Variants in ZNF385D observed in about 807,000 individuals in gnomAD.
The protein encoded by ZNF385D is zinc finger protein 385D, also known as zinc finger protein 659.
A neutral mutation model predicts 35.8 loss-of-function variants in ZNF385D; 15 were observed. That is an observed-to-expected ratio of 0.42 (90% CI 0.28 to 0.64). ZNF385D has a LOEUF of 0.64. Ranked by LOEUF, ZNF385D falls within the 30% of genes least tolerant of loss-of-function variation. ZNF385D has a pLI of 0.23. For synonymous variants in ZNF385D, 212 were observed against 186.8 expected, an observed-to-expected ratio of 1.13 and a Z score of -1.10; for missense variants, 474 against 494.6, an observed-to-expected ratio of 0.96 and a Z score of 0.39.
chr3:21,790,618 G>A (rs940126417), intron 3 of ZNF385D, among the ~76,000 whole-genome samples: 1 of 152,064 alleles, frequency 6.6e-6, no homozygotes, highest in Admixed American at 6.5e-5. Flanking sequence ...GAAGGGGAGG[G>A]TGAGCATCTG....
rs1249176491 is a variant in ZNF385D at position 22,244,614 on chromosome 3, GTT to G, written c.107-75581_107-75580del. Among the ~76,000 whole-genome samples, 6 of 150,836 alleles carry G rather than the reference GTT, an allele frequency of 4.0e-5. 1 individual carries two copies. The highest frequency in any genetic ancestry group is 1.5e-4 in the African/African-American group (6 of 40,786). On this transcript the variant is annotated intron_variant, in intron 2 of 5. Transcript: ENST00000494108. Reference sequence around the variant, plus strand: ...GTACATCAGCTCTCAAAGTAAAATTGTTAAGTTTGAAATAGTATGGGTTTCAA... The same window carrying G: ...GTACATCAGCTCTCAAAGTAAAATTGAAGTTTGAAATAGTATGGGTTTCAA...
intron 3 of ZNF385D, among the ~76,000 whole-genome samples, chr3:22,014,942 A>G (rs259433): frequency 0.82 from 124,315 of 152,172 alleles, 51,938 homozygotes; most frequent in African/African-American, 0.95. Context: ...AGCTCTTACA[A>G]ATATTTGAGG....
In ZNF385D at chr3:22,100,293, G is replaced by C. The variant is rs1576319556; in HGVS notation, c.325+68524C>G. On this transcript the variant is annotated intron_variant, in intron 3 of 5. Transcript: ENST00000494108. ...AGTGTGGCGATTCCTCAGGGATCTAGAACTAGAAATACCATTTGACCCAGC... is the reference window on the plus strand; with the variant it reads ...AGTGTGGCGATTCCTCAGGGATCTACAACTAGAAATACCATTTGACCCAGC... Among the ~76,000 whole-genome samples the C allele has an allele frequency of 2.8e-5, 4 of 143,698 alleles. No homozygotes were observed. The South Asian group carries it at 9.5e-4, about 34-fold the overall frequency. The allele number at this position is 143,698 out of a possible 152,430, so 94.3% of individuals were successfully genotyped here.
chr3:22,261,471 T>A (rs1486826078), intron 2 of ZNF385D, among the ~76,000 whole-genome samples: 3 of 151,960 alleles, frequency 2.0e-5, no homozygotes, highest in South Asian at 2.1e-4. Context: ...TGAGCAAAGA[T>A]GTTCTAGGAG....
rs866051932 is a variant in ZNF385D, at chr3:21,523,108, C to T, written c.277-12085G>A. 7.9e-5 allele frequency among the ~76,000 whole-genome samples: 12 copies of T among 152,168 alleles called. No individual in the cohort carries two copies. The South Asian group carries it at 1.2e-3, about 16-fold the overall frequency. Reference sequence around the variant, plus strand: ...ACACTCCAATGTGTCAGGTAGTGAGCTGAAGGCTTGATATGAATATTTCAT... The same window carrying T: ...ACACTCCAATGTGTCAGGTAGTGAGTTGAAGGCTTGATATGAATATTTCAT... On this transcript the variant is annotated intron_variant, in intron 3 of 7. Coordinates refer to ENST00000281523, the MANE Select transcript of ZNF385D (RefSeq NM_024697.3).
chr3:22,031,477 C>A (rs1697998108), intron 3 of ZNF385D, among the ~76,000 whole-genome samples: 1 of 152,342 alleles, frequency 6.6e-6, no homozygotes, highest in African/African-American at 2.4e-5. Flanking sequence ...GGGTCTTGCA[C>A]CCTTTGAAGC....
In ZNF385D at chr3:21,806,399, G is replaced by T. The variant is rs146259269; in HGVS notation, c.326-141371C>A. 3.3e-5 allele frequency among the ~76,000 whole-genome samples: 5 copies of T among 151,852 alleles called. No individual in the cohort carries two copies. The East Asian group carries it at 9.7e-4, about 29-fold the overall frequency. The stretch of plus-strand genomic sequence containing the variant: ...TGTTGTTATTTTTAGTAGAGACGGG[G>T]TTTCACCGTGTGAGCCAGGATGGTC... On this transcript the variant is annotated intron_variant, in intron 3 of 5. Transcript: ENST00000494108.
At chr3:22,078,833 GAT>G (rs1700597232) in intron 3 of ZNF385D, among the ~76,000 whole-genome samples, 1 of 151,984 alleles carries the variant, frequency 6.6e-6, no homozygotes, top group Non-Finnish European at 1.5e-5. Context: ...TATAAGCAAA[GAT>G]AAGTTCTATA....
rs115228525 is a variant in ZNF385D, at chr3:21,803,373, T to C, written c.326-138345A>G. ...TCTTTCCAGATTTGTATTTTTTACA[T>C]AGTTTTCTAGAAAATCATCTGGACA... On this transcript the variant is annotated intron_variant, in intron 3 of 5. Transcript: ENST00000494108. Among the ~76,000 whole-genome samples, 527 of 152,322 alleles carry C rather than the reference T, an allele frequency of 3.5e-3. 4 individuals are homozygous for C. Among genetic ancestry groups the C allele is most frequent in the African/African-American group, 0.012 (492 of 41,576 alleles).
rs554212239 is a variant in ZNF385D, at chr3:21,724,526, T to G, written c.22+26369A>C. Among the ~76,000 whole-genome samples the G allele has an allele frequency of 2.3e-4, 23 of 99,632 alleles. No individual in the cohort carries two copies. The South Asian group carries it at 3.1e-3, about 14-fold the overall frequency. The allele number at this position is 99,632 out of a possible 152,430, so 65.4% of individuals were successfully genotyped here. A position where few individuals can be genotyped will look rare whatever the true frequency, so the allele number is the denominator to read the frequency against. On this transcript the variant is annotated intron_variant, in intron 1 of 7. Coordinates refer to ENST00000281523, the MANE Select transcript of ZNF385D (RefSeq NM_024697.3). ...AAAAAAAAAAAAAAAAAAGCAGGAG[T>G]TGCAATCCTAATGTCTGATCAAACA...
At chr3:22,270,196 AG>A (rs1701101491) in intron 2 of ZNF385D, among the ~76,000 whole-genome samples, 2 of 152,066 alleles carry the variant, frequency 1.3e-5, no homozygotes, top group South Asian at 4.1e-4. Flanking sequence ...TCTGGCTCAC[AG>A]CTCAAATGGT....
intron 3 of ZNF385D, among the ~76,000 whole-genome samples, chr3:22,074,459 CTAA>C (rs1700372428): frequency 6.6e-6 from 1 of 151,890 alleles, no homozygotes; most frequent in Non-Finnish European, 1.5e-5. Context: ...TAGAAAATTA[CTAA>C]TAAATGATAG....
intron 2 of ZNF385D, among the ~76,000 whole-genome samples, chr3:22,221,251 C>T (rs1698238372): frequency 6.6e-6 from 1 of 152,028 alleles, no homozygotes; most frequent in East Asian, 1.9e-4. Context: ...CACCTAATGT[C>T]TACAGAGAAT....
intron 2 of ZNF385D, among the ~76,000 whole-genome samples, chr3:22,275,414 A>T (rs559968940): frequency 6.6e-6 from 1 of 152,082 alleles, no homozygotes; most frequent in Non-Finnish European, 1.5e-5. Flanking sequence ...TTCTTTAATC[A>T]AAGTAATTAC....
intron 3 of ZNF385D, among the ~76,000 whole-genome samples, chr3:21,889,384 A>C (rs1287319120): frequency 3.9e-5 from 6 of 152,096 alleles, no homozygotes. Flanking sequence ...CACTGTAACC[A>C]ACCAGATGGT....
At chr3:22,114,144 T>C (rs1363236021) in intron 3 of ZNF385D, among the ~76,000 whole-genome samples, 2 of 152,064 alleles carry the variant, frequency 1.3e-5, no homozygotes, top group African/African-American at 4.8e-5. Flanking sequence ...AACACAAAAC[T>C]TCATCTAAAT....
rs1472346763 is a variant in ZNF385D, at chr3:22,298,574, C to CACACACAT, written c.106+73875_106+73876insATGTGTGT. ...ATATACACACATACACACACACACA[C>CACACACAT]ATATATGTATGTGACTATCCACAGC... On this transcript the variant is annotated intron_variant, in intron 2 of 5. Coordinates refer to the ZNF385D transcript ENST00000494108. 7.6e-5 allele frequency among the ~76,000 whole-genome samples: 11 copies of CACACACAT among 144,108 alleles called. No homozygotes were observed. In the South Asian group the frequency reaches 1.1e-3, roughly 15 times the overall value. The allele number at this position is 144,108 out of a possible 152,430, so 94.5% of individuals were successfully genotyped here.
At chr3:22,040,981 A>G (rs1247720867) in intron 3 of ZNF385D, among the ~76,000 whole-genome samples, 1 of 152,098 alleles carries the variant, frequency 6.6e-6, no homozygotes, top group African/African-American at 2.4e-5. Context: ...AGTGGTTCTT[A>G]GTATAGAAGC....
intron 3 of ZNF385D, among the ~76,000 whole-genome samples, chr3:22,115,223 A>G (rs151255117): frequency 6.6e-6 from 1 of 152,210 alleles, no homozygotes; most frequent in East Asian, 1.9e-4. Flanking sequence ...TGGTCAGGCC[A>G]TGAGCAAAAT....
Sources: gnomAD v4.1 joint callset for allele counts (sites outside exome capture counted in the v4.1 genomes callset) on GRCh38, gnomAD v4.1.1 for gene constraint, MANE v1.5 for transcripts, NCBI Gene and HGNC (gene_info 2026-07-23, HGNC 2026-07-21) for gene names.